SLC39A14: variants seen among roughly 807,000 people sequenced by gnomAD.
SLC39A14 encodes solute carrier family 39 member 14.
In SLC39A14, 19 loss-of-function variants were observed where a neutral mutation model predicts 45.5. The ratio of observed to expected loss-of-function variants is 0.42; its 90% confidence interval spans 0.29 to 0.61. The LOEUF (loss-of-function observed/expected upper bound fraction) is 0.61. Ranked by LOEUF, SLC39A14 falls within the 20% of genes least tolerant of loss-of-function variation. The pLI is 0.22. For missense variants in SLC39A14, 447 were observed against 616.5 expected (o/e 0.73, Z 2.91); for synonymous variants, 264 against 251.3 (o/e 1.05, Z -0.48).
At chr8:22,427,690 C>A (rs891261827), downstream of SLC39A14, among the ~76,000 whole-genome samples, 6 of 152,186 alleles carry the variant, frequency 3.9e-5, no homozygotes, top group African/African-American at 1.2e-4. Flanking sequence ...CAAATTCACA[C>A]AATTTAAGCA....
intron 2 of SLC39A14, 75 bp downstream of exon 2, chr8:22,405,055 C>A: frequency 7.0e-7 from 1 of 1,434,460 alleles, no homozygotes; most frequent in Non-Finnish European, 9.6e-7. Flanking sequence ...TCTAGTTGGG[C>A]CCAGGGCAGC....
chr8:22,394,477 G>A (rs564113035), intron 1 of SLC39A14, among the ~76,000 whole-genome samples: 72 of 151,594 alleles, frequency 4.7e-4, no homozygotes, highest in South Asian at 1.0e-3. Flanking sequence ...CCACCACCAC[G>A]CCCGGCTAAT....
At chr8:22,372,583 GA>G (rs1832994270) in intron 1 of SLC39A14, among the ~76,000 whole-genome samples, 1 of 152,154 alleles carries the variant, frequency 6.6e-6, no homozygotes, top group African/African-American at 2.4e-5. Context: ...ATAAAAAAAT[GA>G]AGCGAAGACA....
chr8:22,404,465 T>TG, intron 1 of SLC39A14: 1 of 337,976 alleles, frequency 3.0e-6, no homozygotes, highest in Non-Finnish European at 5.3e-6. Context: ...GCTGTTTGTT[T>TG]TTTTTTTTTT....
At chr8:22,401,499 T>G (rs151136352) in intron 1 of SLC39A14, among the ~76,000 whole-genome samples, 2 of 152,146 alleles carry the variant, frequency 1.3e-5, no homozygotes, top group African/African-American at 4.8e-5. Context: ...AAGCTTTCAT[T>G]TATCTGTGTT....
At chr8:22,383,042 G>C (rs755384928) in intron 1 of SLC39A14, among the ~76,000 whole-genome samples, 1 of 152,124 alleles carries the variant, frequency 6.6e-6, no homozygotes, top group Admixed American at 6.6e-5. Flanking sequence ...TTAGCCTGAG[G>C]ATAGGGATCC....
At chr8:22,368,539 GTATTTTATTTTA>G (rs1563460118) in intron 1 of SLC39A14, among the ~76,000 whole-genome samples, 2 of 24,744 alleles carry the variant, frequency 8.1e-5, no homozygotes, top group African/African-American at 6.2e-4. Flanking sequence ...TTATTTTATT[GTATTTTATTTTA>G]TTTGAGACGG....
At chr8:22,433,512 A>G (rs1378425345) in intron 8 of SLC39A14, among the ~76,000 whole-genome samples, 1 of 143,628 alleles carries the variant, frequency 7.0e-6, no homozygotes, top group Non-Finnish European at 1.5e-5. Flanking sequence ...GAATACCACT[A>G]TGCCTGGCTT....
At chr8:22,391,027 A>ACAGG (rs1834044906) in intron 1 of SLC39A14, among the ~76,000 whole-genome samples, 1 of 152,146 alleles carries the variant, frequency 6.6e-6, no homozygotes, top group Non-Finnish European at 1.5e-5. Flanking sequence ...TGGTGGGAGC[A>ACAGG]CAGGCAGCAG....
rs2132386290 is a variant in SLC39A14 at position 22,421,170 on chromosome 8, C to T, written c.*1472C>T. 2 of 985,824 alleles carry T rather than the reference C, an allele frequency of 2.0e-6. No homozygotes were observed. The highest frequency in any genetic ancestry group is 4.7e-5 in the South Asian group (1 of 21,280). 61.1% of individuals were successfully genotyped at this position (985,824 alleles called of 1,614,324 possible). On this transcript the variant is annotated 3_prime_UTR_variant, in exon 9 of 9. Coordinates refer to ENST00000381237, the MANE Select transcript of SLC39A14 (RefSeq NM_001128431.4). ...CTTAGTGGTGCCCACAGTTGGAGCC[C>T]AGGGGCCATGTTTGCAAACTGATTC...
chr8:22,409,007 G>T (rs1433494304), intron 3 of SLC39A14, among the ~76,000 whole-genome samples: 1 of 151,822 alleles, frequency 6.6e-6, no homozygotes, highest in Non-Finnish European at 1.5e-5. Flanking sequence ...TTTTTGTAGA[G>T]ACACGGTCTC....
At chr8:22,396,709 G>A (rs1475611559) in intron 1 of SLC39A14, among the ~76,000 whole-genome samples, 1 of 144,756 alleles carries the variant, frequency 6.9e-6, no homozygotes, top group Non-Finnish European at 1.5e-5. Context: ...CAGGTGCACC[G>A]TTTTTTTTTT....
At chr8:22,408,820 C>CTT (rs71544900) in intron 3 of SLC39A14, among the ~76,000 whole-genome samples, 6,376 of 130,494 alleles carry the variant, frequency 0.049, 637 homozygotes, top group African/African-American at 0.17. Context: ...CTTTTTTAAT[C>CTT]TTTTTTTTTT....
intron 1 of SLC39A14, among the ~76,000 whole-genome samples, chr8:22,382,435 A>G (rs1300560647): frequency 1.3e-5 from 2 of 152,010 alleles, no homozygotes; most frequent in East Asian, 1.9e-4. Context: ...ACTTGGACAG[A>G]TGAGACTGGG....
intron 1 of SLC39A14, among the ~76,000 whole-genome samples, chr8:22,380,029 C>A (rs1028122799): frequency 6.6e-6 from 1 of 151,652 alleles, no homozygotes; most frequent in Non-Finnish European, 1.5e-5. Flanking sequence ...TTATTACATA[C>A]CATTTACATT....
intron 1 of SLC39A14, among the ~76,000 whole-genome samples, chr8:22,377,719 T>C (rs367808594): frequency 9.8e-5 from 15 of 152,328 alleles, no homozygotes; most frequent in African/African-American, 3.6e-4. Context: ...GTGGCCCTGA[T>C]TAACACACAT....
chr8:22,397,078 T>A (rs1834530361), intron 1 of SLC39A14, among the ~76,000 whole-genome samples: 1 of 152,170 alleles, frequency 6.6e-6, no homozygotes, highest in African/African-American at 2.4e-5. Context: ...TGCTTGTTTT[T>A]ATAATACTCA....
At chr8:22,407,038 C>G (rs939774228) in intron 2 of SLC39A14, among the ~76,000 whole-genome samples, 2 of 152,224 alleles carry the variant, frequency 1.3e-5, no homozygotes, top group Non-Finnish European at 2.9e-5. Flanking sequence ...GTGAGAAGCG[C>G]TTACCTGCTG....
chr8:22,415,694 TC>T, intron 5 of SLC39A14, 74 bp from the exon 6 acceptor site: 1 of 1,422,396 alleles, frequency 7.0e-7, no homozygotes, highest in Non-Finnish European at 9.7e-7. Context: ...GTGAAGCACT[TC>T]CTTGGAGCAG....
Sources: allele counts gnomAD v4.1 joint callset (sites outside exome capture counted in the v4.1 genomes callset), GRCh38; gene constraint gnomAD v4.1.1; transcripts MANE v1.5; gene names NCBI Gene and HGNC (gene_info 2026-07-23, HGNC 2026-07-21).